Variants in TLK1 observed in about 807,000 individuals in gnomAD.
TLK1 encodes the protein tousled like kinase 1.
TLK1 carries 24 observed loss-of-function variants against 105.3 expected under a neutral mutation model. That is an observed-to-expected ratio of 0.23 (90% confidence interval 0.17 to 0.32). TLK1 has a LOEUF of 0.32. TLK1 is among the 10% of genes least tolerant of loss of function. The probability of loss-of-function intolerance (pLI) is 1.00; values close to 1 mark genes in which losing one functional copy is unlikely to be tolerated. For synonymous variants in TLK1, 321 were observed against 310.4 expected, an observed-to-expected ratio of 1.03 and a Z score of -0.36; for missense variants, 558 against 910.5, an observed-to-expected ratio of 0.61 and a Z score of 4.98.
chr2:171,005,508 G>A (rs982367068), intron 18 of TLK1, among the ~76,000 whole-genome samples: 4 of 152,150 alleles, frequency 2.6e-5, no homozygotes, highest in Non-Finnish European at 5.9e-5. Flanking sequence ...CACTTTGGGA[G>A]AGGCAGATCA....
chr2:171,015,780 AT>A (rs1230342910), intron 12 of TLK1, among the ~76,000 whole-genome samples: 2 of 152,008 alleles, frequency 1.3e-5, no homozygotes, highest in African/African-American at 2.4e-5. Context: ...TAAAAAATGG[AT>A]AAGACTAGGG....
At chr2:171,137,648 C>T (rs1292328887) in intron 1 of TLK1, among the ~76,000 whole-genome samples, 1 of 151,788 alleles carries the variant, frequency 6.6e-6, no homozygotes, top group Non-Finnish European at 1.5e-5. Context: ...CAGGAGTTCG[C>T]GACCAACCTG....
intron 1 of TLK1, among the ~76,000 whole-genome samples, chr2:171,118,427 C>T (rs1186457131): frequency 6.6e-6 from 1 of 152,104 alleles, no homozygotes; most frequent in African/African-American, 2.4e-5. Flanking sequence ...CTATAAAGAA[C>T]TGTTTTATTA....
intron 3 of TLK1, chr2:171,066,738 C>T: frequency 8.3e-7 from 1 of 1,203,866 alleles, no homozygotes; most frequent in South Asian, 1.5e-5. Context: ...AGTCTATTTC[C>T]TGGCACTTTC....
chr2:171,102,874 G>A (rs56402728), intron 2 of TLK1, among the ~76,000 whole-genome samples: 59,223 of 151,910 alleles, frequency 0.39, 12,913 homozygotes, highest in African/African-American at 0.57. Context: ...TTTCCATTAC[G>A]AGAAGGGAAA....
chr2:171,092,274 T>G (rs2105491560), intron 2 of TLK1, among the ~76,000 whole-genome samples: 1 of 152,054 alleles, frequency 6.6e-6, no homozygotes, highest in Non-Finnish European at 1.5e-5. Flanking sequence ...AAATCTGGAG[T>G]GGACAAAAGT....
At chr2:171,162,399 G>A (rs1235983584), upstream of TLK1, among the ~76,000 whole-genome samples, 2 of 152,182 alleles carry the variant, frequency 1.3e-5, no homozygotes, top group African/African-American at 2.4e-5. Flanking sequence ...TTAGCCGGGT[G>A]TAGCGGCACG....
chr2:171,118,243 T>C (rs1055044743), intron 1 of TLK1, among the ~76,000 whole-genome samples: 2 of 152,156 alleles, frequency 1.3e-5, no homozygotes, highest in African/African-American at 4.8e-5. Context: ...CACTAGTAAA[T>C]AGCAATTAAA....
At chr2:171,176,737 G>A (rs977727318) in intron 1 of TLK1, among the ~76,000 whole-genome samples, 4 of 151,894 alleles carry the variant, frequency 2.6e-5, no homozygotes, top group Admixed American at 1.3e-4. Flanking sequence ...TGCCCTCAGC[G>A]TCCACAATGA....
chr2:171,227,664 T>C (rs549410448), intron 1 of TLK1, among the ~76,000 whole-genome samples: 1 of 146,734 alleles, frequency 6.8e-6, no homozygotes, highest in South Asian at 2.2e-4. Flanking sequence ...CTCCCCATTT[T>C]AGAACAGTCG....
At chr2:170,996,594 T>G (rs1459400361) in intron 20 of TLK1, 59 bp downstream of exon 20, 2 of 1,415,590 alleles carry the variant, frequency 1.4e-6, no homozygotes, top group African/African-American at 1.4e-5. Flanking sequence ...TACCTTGTTG[T>G]CAGCACAACT....
intron 1 of TLK1, among the ~76,000 whole-genome samples, chr2:171,221,117 A>T (rs1693802595): frequency 6.6e-6 from 1 of 152,218 alleles, no homozygotes; most frequent in Non-Finnish European, 1.5e-5. Flanking sequence ...GGCACACAGC[A>T]TTCCACATTT....
rs1421246044 is a variant in TLK1 at position 171,193,699 on chromosome 2, CATTTTTT to C, written c.-6+37439_-6+37445del. Among the ~76,000 whole-genome samples the C allele has an allele frequency of 6.1e-4, 63 of 103,238 alleles. 1 individual carries two copies. Among genetic ancestry groups the C allele is most frequent in the African/African-American group, 2.4e-3 (61 of 25,128 alleles). The allele number at this position is 103,238 out of a possible 152,430, so 67.7% of individuals were successfully genotyped here. Reference sequence around the variant, plus strand: ...TATAGGCGTGAGCCACAGCGCCTGGCATTTTTTTTTTTTTTTTTTTTTTTTTTTTTTT... The same window carrying C: ...TATAGGCGTGAGCCACAGCGCCTGGCTTTTTTTTTTTTTTTTTTTTTTTTT... On this transcript the variant is annotated intron_variant, in intron 1 of 20. Transcript: ENST00000521943.
At chr2:171,081,816 T>TA in intron 3 of TLK1, 1 of 697,524 alleles carries the variant, frequency 1.4e-6, no homozygotes. Context: ...GATTTCTAGA[T>TA]GCTTTCAATA....
At chr2:171,128,547 AT>A (rs796780872) in intron 1 of TLK1, among the ~76,000 whole-genome samples, 95 of 152,322 alleles carry the variant, frequency 6.2e-4, no homozygotes, top group African/African-American at 2.2e-3. Flanking sequence ...AGCATATATA[AT>A]GTAATAAGCC....
At chr2:171,009,243 C>T (rs188149120) in intron 14 of TLK1, among the ~76,000 whole-genome samples, 1 of 147,434 alleles carries the variant, frequency 6.8e-6, no homozygotes, top group East Asian at 2.0e-4. Context: ...GAAGCAGAAA[C>T]GAGAAGGGTG....
At chr2:171,057,826 C>A (rs983386313) in intron 5 of TLK1, among the ~76,000 whole-genome samples, 1 of 151,948 alleles carries the variant, frequency 6.6e-6, no homozygotes, top group African/African-American at 2.4e-5. Flanking sequence ...GGTCTGACTG[C>A]AAAAATTCAA....
At chr2:171,138,870 A>G (rs1257907437) in intron 1 of TLK1, among the ~76,000 whole-genome samples, 3 of 152,220 alleles carry the variant, frequency 2.0e-5, no homozygotes, top group African/African-American at 4.8e-5. Context: ...CAACTCGTAC[A>G]ATACAGTAAC....
rs1250168031 is a variant in TLK1, at chr2:171,197,595, A to G, written c.-6+33550T>C. Among the ~76,000 whole-genome samples, 3 of 152,302 alleles carry G rather than the reference A, an allele frequency of 2.0e-5. No individual in the cohort carries two copies. The East Asian group carries it at 5.8e-4, about 29-fold the overall frequency. ...GGAGTTCGAGACCAGCCTGGCCAAC[A>G]TGGTGAAACCCTGTATCTACTAAAA... On this transcript the variant is annotated intron_variant, in intron 1 of 20. Transcript: ENST00000521943.
Sources: gnomAD v4.1 joint callset for allele counts (sites outside exome capture counted in the v4.1 genomes callset) on GRCh38, gnomAD v4.1.1 for gene constraint, MANE v1.5 for transcripts, NCBI Gene and HGNC (gene_info 2026-07-23, HGNC 2026-07-21) for gene names.